Variants in CTNNA2 observed in about 807,000 individuals in gnomAD.
The protein encoded by CTNNA2 is catenin alpha-2.
In CTNNA2, 42 loss-of-function variants were observed where a neutral mutation model predicts 101.0. The ratio of observed to expected loss-of-function variants is 0.42; its 90% confidence interval spans 0.32 to 0.54. The LOEUF (loss-of-function observed/expected upper bound fraction) is 0.54, where lower values mean the gene tolerates loss of function less well. Ranked by LOEUF, CTNNA2 falls within the 20% of genes least tolerant of loss-of-function variation. The pLI is 0.14. For synonymous variants in CTNNA2, 450 were observed against 456.4 expected (o/e 0.99, Z 0.18); for missense variants, 871 against 1,223.1 (o/e 0.71, Z 4.29).
chr2:80,441,428 C>T (rs554881170), intron 9 of CTNNA2, among the ~76,000 whole-genome samples: 1 of 152,130 alleles, frequency 6.6e-6, no homozygotes, highest in Non-Finnish European at 1.5e-5. Flanking sequence ...CAACATATGA[C>T]AGTTTTGTTG....
chr2:80,337,051 G>A (rs1273448602), intron 7 of CTNNA2, among the ~76,000 whole-genome samples: 1 of 152,118 alleles, frequency 6.6e-6, no homozygotes, highest in African/African-American at 2.4e-5. Context: ...TGGGTGGGGT[G>A]TGGGCATAAG....
chr2:79,263,378 C>T (rs10208181), intron 2 of CTNNA2, among the ~76,000 whole-genome samples: 88,861 of 151,824 alleles, frequency 0.59, 26,228 homozygotes, highest in Non-Finnish European at 0.61. Context: ...TCTTCCCTCC[C>T]CAACTGTCTT....
chr2:79,380,732 A>G (rs950738418), intron 4 of CTNNA2, among the ~76,000 whole-genome samples: 2 of 152,218 alleles, frequency 1.3e-5, no homozygotes, highest in Admixed American at 1.3e-4. Context: ...TACCAAGTAT[A>G]TAAAACAGGT....
chr2:79,832,283 A>G (rs1377679395), intron 3 of CTNNA2, among the ~76,000 whole-genome samples: 1 of 152,188 alleles, frequency 6.6e-6, no homozygotes, highest in African/African-American at 2.4e-5. Flanking sequence ...ACAATACGTG[A>G]TTAATTTCCT....
intron 2 of CTNNA2, among the ~76,000 whole-genome samples, chr2:79,272,612 G>C (rs1453568911): frequency 6.6e-6 from 1 of 151,970 alleles, no homozygotes; most frequent in Non-Finnish European, 1.5e-5. Context: ...TTAAAATTTA[G>C]ATAAAAGATT....
At chr2:79,661,342 T>C (rs370222610) in intron 2 of CTNNA2, among the ~76,000 whole-genome samples, 2 of 152,322 alleles carry the variant, frequency 1.3e-5, no homozygotes, top group South Asian at 4.1e-4. Flanking sequence ...TCCATCAAAA[T>C]ATTTACTTTA....
intron 2 of CTNNA2, chr2:79,293,362 G>A (rs1675879166): frequency 6.6e-6 from 1 of 152,080 alleles, no homozygotes; most frequent in Admixed American, 6.6e-5. Context: ...TAGTTTCTGT[G>A]GGTGTTTTCA....
intron 7 of CTNNA2, among the ~76,000 whole-genome samples, chr2:80,156,942 A>G (rs61239546): frequency 0.14 from 21,326 of 152,206 alleles, 3,761 homozygotes; most frequent in African/African-American, 0.42. Flanking sequence ...TCCAAAATGA[A>G]GAACTCAAAA....
chr2:80,232,345 G>GTTTGTTTTTTTTTTT (rs1709286406), intron 7 of CTNNA2, among the ~76,000 whole-genome samples: 1 of 64,840 alleles, frequency 1.5e-5, no homozygotes, highest in Non-Finnish European at 2.6e-5. Flanking sequence ...TTGTTTGTTT[G>GTTTGTTTTTTTTTTT]TTTTTTTTTT....
intron 7 of CTNNA2, among the ~76,000 whole-genome samples, chr2:80,175,716 C>A (rs759612200): frequency 9.3e-4 from 142 of 152,294 alleles, no homozygotes; most frequent in Non-Finnish European, 1.8e-3. Context: ...AGGCTGTCTG[C>A]AAGCTGAGGA....
At chr2:79,968,399 G>A (rs111758333) in intron 7 of CTNNA2, among the ~76,000 whole-genome samples, 1,603 of 152,198 alleles carry the variant, frequency 0.011, 23 homozygotes, top group African/African-American at 0.037. Context: ...TTTAAAATAG[G>A]CTGAGTGCAG....
chr2:79,742,129 A>G (rs1671329328), intron 2 of CTNNA2, among the ~76,000 whole-genome samples: 2 of 152,154 alleles, frequency 1.3e-5, no homozygotes, highest in Non-Finnish European at 2.9e-5. Context: ...GACATTTTCT[A>G]CTGGCTTGCT....
intron 3 of CTNNA2, among the ~76,000 whole-genome samples, chr2:79,831,080 T>C (rs779859722): frequency 4.3e-4 from 65 of 152,144 alleles, no homozygotes; most frequent in Admixed American, 5.9e-4. Flanking sequence ...AACCATAAAT[T>C]ACTGTCATTT....
At chr2:80,499,161 C>T (rs1687683753) in intron 9 of CTNNA2, among the ~76,000 whole-genome samples, 1 of 152,028 alleles carries the variant, frequency 6.6e-6, no homozygotes, top group Admixed American at 6.6e-5. Context: ...TCCTCTGGCC[C>T]CTATAAAAAT....
At chr2:79,228,651 C>T (rs1415464931) in intron 2 of CTNNA2, among the ~76,000 whole-genome samples, 2 of 150,470 alleles carry the variant, frequency 1.3e-5, no homozygotes, top group Non-Finnish European at 3.0e-5. Flanking sequence ...GGATATTAGA[C>T]TTTTGTCACA....
At chr2:79,841,937 A>G (rs575307478) in intron 3 of CTNNA2, among the ~76,000 whole-genome samples, 21 of 152,328 alleles carry the variant, frequency 1.4e-4, no homozygotes, top group African/African-American at 4.8e-4. Context: ...ATAAATCAGG[A>G]CAAGCATAAA....
intron 9 of CTNNA2, among the ~76,000 whole-genome samples, chr2:80,452,465 C>T (rs1683599869): frequency 7.4e-6 from 1 of 135,204 alleles, no homozygotes; most frequent in African/African-American, 2.6e-5. Context: ...CCATAAAATT[C>T]CATCTGTTTC....
intron 1 of CTNNA2, among the ~76,000 whole-genome samples, chr2:79,589,511 G>A (rs1056147959): frequency 5.3e-5 from 8 of 151,530 alleles, no homozygotes; most frequent in Non-Finnish European, 1.0e-4. Flanking sequence ...CATTTAGAAG[G>A]TAAGACATAC....
Position 80,337,498 on chromosome 2 carries a change from A to G in CTNNA2, c.1057-55713A>G, listed in dbSNP as rs1446577986. Among the ~76,000 whole-genome samples, 70 of 149,686 alleles carry G rather than the reference A, an allele frequency of 4.7e-4. 1 individual carries two copies. The highest frequency in any genetic ancestry group is 4.7e-3 in the Admixed American group (70 of 15,000). On this transcript the variant is annotated intron_variant, in intron 7 of 18. Coordinates refer to ENST00000402739, the MANE Select transcript of CTNNA2 (RefSeq NM_001282597.3). ...TTTTTTCTTTTTTGCTCCTATGGAA[A>G]CTAATCAGAAAAGCTAGAGCAGTTT...
Sources: gnomAD v4.1 joint callset for allele counts (sites outside exome capture counted in the v4.1 genomes callset) on GRCh38, gnomAD v4.1.1 for gene constraint, MANE v1.5 for transcripts, NCBI Gene and HGNC (gene_info 2026-07-23, HGNC 2026-07-21) for gene names.